Variants in AARS1 observed in about 807,000 individuals in gnomAD.
AARS1 encodes the protein alanine--tRNA ligase, cytoplasmic.
In AARS1, 72 loss-of-function variants were observed where a neutral mutation model predicts 108.9. The ratio of observed to expected loss-of-function variants is 0.66; its 90% CI spans 0.55 to 0.80. AARS1 has a LOEUF of 0.80. Ranked by LOEUF, AARS1 falls within the 30% of genes least tolerant of loss-of-function variation. AARS1 has a pLI of 0.00. For missense variants in AARS1, 1,193 were observed against 1,233.2 expected (o/e 0.97, Z 0.49); for synonymous variants, 489 against 465.7 (o/e 1.05, Z -0.64).
chr16:70,265,422 C>A (rs1960238774), intron 10 of AARS1, 116 bp downstream of exon 10: 3 of 1,502,774 alleles, frequency 2.0e-6, no homozygotes, highest in South Asian at 2.3e-5. Flanking sequence ...AACCACTGAT[C>A]TAGGGGAAAA....
At position 70,272,042 on chromosome 16, in the gene AARS1, G is replaced by C. The variant is rs116309532; in HGVS notation, c.480-70C>G. Reference sequence around the variant, plus strand: ...AGTTCTGCCCAGACTTGCAACCACCGCAAAAGAAATTCTTAGGATTGGCCG... The same window carrying C: ...AGTTCTGCCCAGACTTGCAACCACCCCAAAAGAAATTCTTAGGATTGGCCG... On this transcript the variant is annotated intron_variant, in intron 4 of 20. Coordinates refer to ENST00000261772, the MANE Select transcript of AARS1 (RefSeq NM_001605.3). 9.1e-4 allele frequency: 1,333 copies of C among 1,461,004 alleles called. 4 individuals are homozygous for C. In the African/African-American group the frequency reaches 0.017, roughly 18 times the overall value. The allele number at this position is 1,461,004 out of a possible 1,614,324, so 90.5% of individuals were successfully genotyped here. A position where few individuals can be genotyped will look rare whatever the true frequency, so the allele number is the denominator to read the frequency against.
At chr16:70,276,408 C>G (rs1198497722) in intron 4 of AARS1, 78 bp downstream of exon 4, 2 of 1,498,614 alleles carry the variant, frequency 1.3e-6, no homozygotes, top group African/African-American at 1.4e-5. Flanking sequence ...ACCACATATT[C>G]CAGGTCATAA....
chr16:70,259,727 C>T (rs1960087916), intron 13 of AARS1, among the ~76,000 whole-genome samples: 1 of 151,928 alleles, frequency 6.6e-6, no homozygotes, highest in Non-Finnish European at 1.5e-5. Flanking sequence ...CTCAAGCAAT[C>T]CTCCCACCTC....
At chr16:70,289,121 C>A (rs532916967) in intron 1 of AARS1, among the ~76,000 whole-genome samples, 2 of 152,106 alleles carry the variant, frequency 1.3e-5, no homozygotes, top group African/African-American at 4.8e-5. Context: ...CCCAGCTGGC[C>A]CATCCTTCCT....
At chr16:70,264,343 T>A (rs549441722) in intron 11 of AARS1, among the ~76,000 whole-genome samples, 4 of 151,786 alleles carry the variant, frequency 2.6e-5, no homozygotes, top group African/African-American at 9.7e-5. Context: ...CGAGACGGAA[T>A]TTCACTCTTG....
chr16:70,252,959 G>T, intron 20 of AARS1, 53 bp from the exon 21 acceptor site: 1 of 1,569,984 alleles, frequency 6.4e-7, no homozygotes, highest in Non-Finnish European at 8.8e-7. Context: ...GATTGAGGGA[G>T]GAATGCAGGG....
chr16:70,258,891 A>G (rs1960062763), intron 14 of AARS1, 89 bp downstream of exon 14: 3 of 1,412,656 alleles, frequency 2.1e-6, no homozygotes, highest in African/African-American at 1.4e-5. Flanking sequence ...CGAATCTGAT[A>G]CAACAGAGTG....
intron 12 of AARS1, 128 bp from the exon 13 acceptor site, chr16:70,261,285 C>T (rs996210401): frequency 1.5e-5 from 10 of 660,350 alleles, no homozygotes; most frequent in African/African-American, 5.4e-5. Context: ...CACACATACT[C>T]CCTTAATATC....
At position 70,282,492 on chromosome 16, in the gene AARS1, T is replaced by TA; in HGVS notation, c.144+127dup. The TA allele has an allele frequency of 2.5e-6, 3 of 1,188,602 alleles. No individual in the cohort carries two copies. In the South Asian group the frequency reaches 3.8e-5, roughly 15 times the overall value. The allele number at this position is 1,188,602 out of a possible 1,614,324, so 73.6% of individuals were successfully genotyped here. A position where few individuals can be genotyped will look rare whatever the true frequency, so the allele number is the denominator to read the frequency against. On this transcript the variant is annotated intron_variant, in intron 2 of 20. Coordinates refer to ENST00000261772, the MANE Select transcript of AARS1 (RefSeq NM_001605.3). ...TGCAAAGAAACTGAGGCCCATCACATAAAGTTTCACAAGATCACACAGGGA... is the reference window on the plus strand; with the variant it reads ...TGCAAAGAAACTGAGGCCCATCACATAAAAGTTTCACAAGATCACACAGGGA...
chr16:70,283,780 C>T (rs1216955743), intron 1 of AARS1, among the ~76,000 whole-genome samples: 2 of 152,142 alleles, frequency 1.3e-5, no homozygotes, highest in African/African-American at 4.8e-5. Flanking sequence ...CCCCAAGAAC[C>T]CTAACAGCAA....
At chr16:70,285,962 GCTTA>G (rs1475413836) in intron 1 of AARS1, among the ~76,000 whole-genome samples, 15 of 152,084 alleles carry the variant, frequency 9.9e-5, no homozygotes, top group African/African-American at 3.6e-4. Flanking sequence ...TCCCATTTTT[GCTTA>G]CTAATTCACC....
chr16:70,263,370 G>C (rs1161514043), intron 11 of AARS1, among the ~76,000 whole-genome samples: 1 of 152,068 alleles, frequency 6.6e-6, no homozygotes, highest in Non-Finnish European at 1.5e-5. Flanking sequence ...TCAGCAGTTT[G>C]AGACCAGCCT....
rs1209107058 is a variant in AARS1, at chr16:70,261,152, T to C, written c.1677A>G (p.Thr559=). The part of the protein sequence containing the change: ...VKVDDSSEDK[T]EFTVKNAQVR... ...CCTGAGCATTCTTCACTGTAAACTC[T>C]GTTTTCTAAGAGGGGTCAAGGAAGA... Residue 559 remains threonine, a synonymous_variant, in exon 13 of 21, where the codon ACA becomes ACG. Coordinates refer to ENST00000261772, the MANE Select transcript of AARS1 (RefSeq NM_001605.3). 6.2e-7 allele frequency: 1 copy of C among 1,612,522 alleles called. No homozygotes were observed. The highest frequency in any genetic ancestry group is 1.3e-5 in the African/African-American group (1 of 74,892).
intron 9 of AARS1, 45 bp from the exon 10 acceptor site, chr16:70,265,707 T>C (rs1304106551): frequency 2.5e-6 from 4 of 1,607,940 alleles, no homozygotes; most frequent in Non-Finnish European, 3.4e-6. Flanking sequence ...AGACAGCCCC[T>C]TTTCCATGCC....
intron 2 of AARS1, among the ~76,000 whole-genome samples, chr16:70,280,852 G>C (rs556343452): frequency 2.6e-5 from 4 of 152,134 alleles, no homozygotes; most frequent in African/African-American, 9.6e-5. Flanking sequence ...TTTTGAGACA[G>C]GGTCTCACTC....
At chr16:70,285,828 T>C (rs1960826582) in intron 1 of AARS1, among the ~76,000 whole-genome samples, 1 of 152,126 alleles carries the variant, frequency 6.6e-6, no homozygotes, top group Admixed American at 6.6e-5. Flanking sequence ...TCTCCCAAGG[T>C]GTTGGGATGG....
chr16:70,260,988 A>C (rs1409955932), intron 13 of AARS1, 56 bp downstream of exon 13: 1 of 1,368,664 alleles, frequency 7.3e-7, no homozygotes, highest in Admixed American at 1.7e-5. Context: ...ATTTAAAGCC[A>C]GAGGAGAAGA....
intron 4 of AARS1, among the ~76,000 whole-genome samples, chr16:70,273,736 G>A (rs576656657): frequency 4.6e-5 from 7 of 151,746 alleles, no homozygotes; most frequent in African/African-American, 1.7e-4. Context: ...GGTGGTGGGC[G>A]CCTGTAGTCC....
In AARS1 at chr16:70,253,672, G is replaced by A. The variant is rs199793085; in HGVS notation, c.2607+42C>T. On this transcript the variant is annotated intron_variant, in intron 19 of 20. Transcript: ENST00000261772. ...GAGGCCACATGTCAGCCACCAGAGA[G>A]CTGATGAGCCCTAGGGGAGGGGACC... 1.6e-5 allele frequency: 25 copies of A among 1,597,854 alleles called. No individual in the cohort carries two copies. In the East Asian group the frequency reaches 5.1e-4, roughly 33 times the overall value.
Sources: gnomAD v4.1 joint callset for allele counts (sites outside exome capture counted in the v4.1 genomes callset) on GRCh38, gnomAD v4.1.1 for gene constraint, MANE v1.5 for transcripts, NCBI Gene and HGNC (gene_info 2026-07-23, HGNC 2026-07-21) for gene names.